AFF3: variants seen among roughly 807,000 people sequenced by gnomAD.
AFF3 encodes the protein ALF transcription elongation factor 3, also known as AF4/FMR2 family member 3.
A neutral mutation model predicts 129.7 loss-of-function variants in AFF3; 32 were observed. The observed-to-expected ratio is 0.25, with a 90% CI of 0.19 to 0.33. The LOEUF (loss-of-function observed/expected upper bound fraction) is 0.33. Ranked by LOEUF, AFF3 falls within the 10% of genes least tolerant of loss-of-function variation. The probability of loss-of-function intolerance (pLI) is 1.00; values close to 1 mark genes in which losing one functional copy is unlikely to be tolerated. For missense variants in AFF3, 1,373 were observed against 1,592.0 expected, an observed-to-expected ratio of 0.86 and a Z score of 2.34; for synonymous variants, 644 against 635.4, an observed-to-expected ratio of 1.01 and a Z score of -0.20.
At chr2:99,867,547 C>A (rs1477404957) in intron 7 of AFF3, among the ~76,000 whole-genome samples, 4 of 144,668 alleles carry the variant, frequency 2.8e-5, no homozygotes, top group Non-Finnish European at 3.0e-5. Context: ...ATCCACCACA[C>A]AGTCTCCCCA....
At chr2:99,576,557 A>G (rs377243964) in intron 18 of AFF3, among the ~76,000 whole-genome samples, 1 of 151,910 alleles carries the variant, frequency 6.6e-6, no homozygotes, top group East Asian at 1.9e-4. Flanking sequence ...CTGTAGATCA[A>G]AGTACAATCA....
chr2:99,597,716 G>A (rs1286523088), intron 14 of AFF3, among the ~76,000 whole-genome samples: 1 of 152,282 alleles, frequency 6.6e-6, no homozygotes, highest in Admixed American at 6.5e-5. Flanking sequence ...GGGAACCTCA[G>A]GCTGCAGACG....
At chr2:100,137,280 G>A (rs979097365) in intron 1 of AFF3, among the ~76,000 whole-genome samples, 2 of 152,204 alleles carry the variant, frequency 1.3e-5, no homozygotes, top group Non-Finnish European at 2.9e-5. Context: ...CTCTGGGAAT[G>A]ACTGTAGCCA....
intron 8 of AFF3, among the ~76,000 whole-genome samples, chr2:99,756,584 T>C (rs980533558): frequency 6.6e-6 from 1 of 152,182 alleles, no homozygotes; most frequent in Non-Finnish European, 1.5e-5. Context: ...TCCATCAGTA[T>C]CTCACTGGTA....
intron 13 of AFF3, among the ~76,000 whole-genome samples, chr2:99,605,512 A>G (rs1680241532): frequency 6.6e-6 from 1 of 152,218 alleles, no homozygotes; most frequent in African/African-American, 2.4e-5. Context: ...CCTTGGGGTC[A>G]GCTGACCATT....
chr2:100,130,959 A>T (rs1692407854), intron 1 of AFF3, among the ~76,000 whole-genome samples: 1 of 152,222 alleles, frequency 6.6e-6, no homozygotes, highest in African/African-American at 2.4e-5. Context: ...AACAATAAAG[A>T]TTGAATAATA....
chr2:99,874,034 G>A (rs149143920), intron 7 of AFF3, among the ~76,000 whole-genome samples: 3,996 of 152,146 alleles, frequency 0.026, 172 homozygotes, highest in African/African-American at 0.089. Flanking sequence ...AAAATTAGCC[G>A]GGCGTGGTGG....
chr2:99,752,395 G>A (rs1681730250), intron 8 of AFF3, 94 bp from the exon 9 acceptor site: 1 of 928,054 alleles, frequency 1.1e-6, no homozygotes, highest in South Asian at 1.6e-5. Flanking sequence ...GCCTTCATAA[G>A]GCAGGGAAGG....
At chr2:99,738,802 T>A (rs1044231415) in intron 10 of AFF3, among the ~76,000 whole-genome samples, 1 of 152,072 alleles carries the variant, frequency 6.6e-6, no homozygotes, top group Non-Finnish European at 1.5e-5. Flanking sequence ...CCAGGCAAGC[T>A]GTAAGCCCAA....
Position 99,593,238 on chromosome 2 carries a change from G to T in AFF3, c.2423C>A (p.Thr808Lys), listed in dbSNP as rs1678909002. The T allele has an allele frequency of 1.2e-6, 2 of 1,605,716 alleles. No homozygotes were observed. The highest frequency in any genetic ancestry group is 4.5e-5 in the East Asian group (2 of 44,620). The change falls in exon 15 of 25, where the codon ACA becomes AAA. Residue 808 changes from threonine to lysine, a missense_variant. By Grantham distance (78) the Thr-to-Lys change is moderately conservative. Around this residue, in one of 9 missense-constraint regions of AFF3, gnomAD observed 466 missense variants for 505.0 expected, o/e 0.92. Coordinates refer to ENST00000672756, the MANE Select transcript of AFF3 (RefSeq NM_001386135.1). ...ESAPPSHTSDTPAEKALPKSK... is the reference protein window; with the variant it reads ...ESAPPSHTSDKPAEKALPKSK... Reference sequence around the variant, plus strand: ...TTTTGGCAAAGCCTTTTCTGCAGGTGTGTCCGAGGTGTGGCTGGGCGGTGC... The same window carrying T: ...TTTTGGCAAAGCCTTTTCTGCAGGTTTGTCCGAGGTGTGGCTGGGCGGTGC...
At chr2:99,629,492 G>T (rs1682927559) in intron 13 of AFF3, among the ~76,000 whole-genome samples, 1 of 152,164 alleles carries the variant, frequency 6.6e-6, no homozygotes, top group South Asian at 2.1e-4. Flanking sequence ...ACAAAACACT[G>T]CTCAAAGCAA....
chr2:99,723,077 A>T (rs1053574220), intron 11 of AFF3, among the ~76,000 whole-genome samples: 2 of 152,212 alleles, frequency 1.3e-5, no homozygotes, highest in African/African-American at 4.8e-5. Flanking sequence ...AGCTATCTGC[A>T]GGAGAGTTAG....
chr2:100,088,843 G>A (rs7570214), intron 4 of AFF3, among the ~76,000 whole-genome samples: 3,898 of 152,264 alleles, frequency 0.026, 159 homozygotes, highest in African/African-American at 0.088. Flanking sequence ...GGCCAGTCTC[G>A]TAAAGATTTT....
chr2:99,959,517 A>C (rs1203249024), intron 7 of AFF3, among the ~76,000 whole-genome samples: 1 of 151,606 alleles, frequency 6.6e-6, no homozygotes, highest in Non-Finnish European at 1.5e-5. Context: ...TTTATACTTA[A>C]AAATTTTTAT....
chr2:99,714,347 C>T (rs907222440), intron 11 of AFF3, among the ~76,000 whole-genome samples: 30 of 152,122 alleles, frequency 2.0e-4, no homozygotes, highest in African/African-American at 7.0e-4. Context: ...ATTTGTGATT[C>T]TAACTAATGA....
At chr2:99,852,194 G>T (rs909528313) in intron 7 of AFF3, among the ~76,000 whole-genome samples, 2 of 152,144 alleles carry the variant, frequency 1.3e-5, no homozygotes, top group African/African-American at 4.8e-5. Flanking sequence ...AAGTCCTAGA[G>T]TCAGCCCTGA....
At chr2:99,964,262 T>C (rs1395084577) in intron 7 of AFF3, among the ~76,000 whole-genome samples, 3 of 152,078 alleles carry the variant, frequency 2.0e-5, no homozygotes, top group Non-Finnish European at 4.4e-5. Flanking sequence ...CAAGATATAA[T>C]TGACATATAT....
Position 99,936,825 on chromosome 2 carries a change from C to T in AFF3, c.873+69807G>A, listed in dbSNP as rs918930649. Among the ~76,000 whole-genome samples, 7 of 152,270 alleles carry T rather than the reference C, an allele frequency of 4.6e-5. No individual in the cohort carries two copies. The East Asian group carries it at 7.7e-4, about 17-fold the overall frequency. Reference sequence around the variant, plus strand: ...TCAGTAAGTATTGTCATGCATTTTTCCCCCCTCAGCTGAGACACCAGCCCA... The same window carrying T: ...TCAGTAAGTATTGTCATGCATTTTTTCCCCCTCAGCTGAGACACCAGCCCA... On this transcript the variant is annotated intron_variant, in intron 7 of 24. Transcript: ENST00000672756.
At chr2:100,120,485 T>C (rs755568481) in intron 2 of AFF3, among the ~76,000 whole-genome samples, 3 of 139,982 alleles carry the variant, frequency 2.1e-5, no homozygotes, top group Non-Finnish European at 4.5e-5. Context: ...CTCTGCCTTG[T>C]GAATACTTAT....
Sources: allele counts gnomAD v4.1 joint callset (sites outside exome capture counted in the v4.1 genomes callset), GRCh38; gene constraint gnomAD v4.1.1; regional missense constraint gnomAD v4.1.1; transcripts MANE v1.5; gene names NCBI Gene and HGNC (gene_info 2026-07-23, HGNC 2026-07-21).